The following ABCG1 variants were observed in gnomAD, a reference collection of about 807,000 sequenced individuals.
The protein encoded by ABCG1 is ATP-binding cassette sub-family G member 1.
Under a neutral mutation model 69.2 loss-of-function variants are expected in ABCG1, and 29 were observed. The observed-to-expected ratio is 0.42, with a 90% confidence interval of 0.31 to 0.57. The LOEUF (loss-of-function observed/expected upper bound fraction) is 0.57. ABCG1 is among the 20% of genes least tolerant of loss of function. The pLI is 0.15. For synonymous variants in ABCG1, 370 were observed against 374.8 expected (o/e 0.99, Z 0.15); for missense variants, 718 against 898.1 (o/e 0.80, Z 2.56).
Position 42,282,311 on chromosome 21 carries a change from G to A in ABCG1, c.626G>A (p.Cys209Tyr). 1 of 1,613,086 alleles carries A rather than the reference G, an allele frequency of 6.2e-7. No homozygotes were observed. Among genetic ancestry groups the A allele is most frequent in the Non-Finnish European group, 8.5e-7 (1 of 1,180,018 alleles). Reference sequence around the variant, plus strand: ...CTGACAGCGCTGGGCTTGCTGTCTTGCGCCAACACGCGGACCGGGAGCCTG... The same window carrying A: ...CTGACAGCGCTGGGCTTGCTGTCTTACGCCAACACGCGGACCGGGAGCCTG... Reference protein sequence around the residue: ...EILTALGLLSCANTRTGSLSG... With the variant: ...EILTALGLLSYANTRTGSLSG... The change falls in exon 6 of 15, where the codon TGC becomes TAC. Residue 209 changes from cysteine (C) to tyrosine (Y), a missense_variant. This residue lies in a region of ABCG1 where 514 missense variants were observed against 574.3 expected (regional missense o/e 0.90). Coordinates refer to ENST00000398449, the MANE Select transcript of ABCG1 (RefSeq NM_016818.3).
intron 2 of ABCG1, among the ~76,000 whole-genome samples, chr21:42,210,506 ACT>A (rs1283618411): frequency 6.6e-6 from 1 of 151,714 alleles, no homozygotes; most frequent in African/African-American, 2.4e-5. Context: ...GATGTTATTT[ACT>A]CTTTCTTCAT....
rs1424402614 is a variant in ABCG1 at position 42,219,941 on chromosome 21, C to A, written c.42+637C>A. 4.5e-6 allele frequency: 7 copies of A among 1,551,168 alleles called. No individual in the cohort carries two copies. Among genetic ancestry groups the A allele is most frequent in the Non-Finnish European group, 6.1e-6 (7 of 1,146,812 alleles). ...TTCCTGCCGGCCGCCTTTCTGCGCGCGCCGGAGAGAGAGACGCGGTGGGGA... is the reference window on the plus strand; with the variant it reads ...TTCCTGCCGGCCGCCTTTCTGCGCGAGCCGGAGAGAGAGACGCGGTGGGGA... On this transcript the variant is annotated intron_variant, in intron 1 of 14. Coordinates refer to ENST00000398449, the MANE Select transcript of ABCG1 (RefSeq NM_016818.3). This position sits in a 1 kb window ranked among gnomAD's most constrained non-coding sequence, Gnocchi z 5.3.
At position 42,219,817 on chromosome 21, in the gene ABCG1, C is replaced by A; in HGVS notation, c.42+513C>A. 1.4e-6 allele frequency: 2 copies of A among 1,450,640 alleles called. No individual in the cohort carries two copies. Among genetic ancestry groups the A allele is most frequent in the Non-Finnish European group, 1.8e-6 (2 of 1,105,260 alleles). The allele number at this position is 1,450,640 out of a possible 1,614,324, so 89.9% of individuals were successfully genotyped here. On this transcript the variant is annotated intron_variant, in intron 1 of 14. Transcript: ENST00000398449. This position sits in a 1 kb window ranked among gnomAD's most constrained non-coding sequence, Gnocchi z 5.3. ...AAAAGAGGAAGCTGCCCCCAGAGAG[C>A]CGGAGCCTGCGACTGCACTCCCGGG... is the stretch of plus-strand genomic sequence containing the variant.
At position 42,244,513 on chromosome 21, in the gene ABCG1, T is replaced by A. The variant is rs371482096; in HGVS notation, c.286+18599T>A. Among the ~76,000 whole-genome samples the A allele has an allele frequency of 9.2e-5, 14 of 152,376 alleles. 1 individual carries two copies. The highest frequency in any genetic ancestry group is 2.0e-4 in the Admixed American group (3 of 15,310). ...TCAAAAGCTTCTCTTCTGCACTGCA[T>A]TTCCTAAAGTCTAATTTACAGTCTT... On this transcript the variant is annotated intron_variant, in intron 2 of 14. Transcript: ENST00000398449.
At chr21:42,261,776 A>G (rs2068418761) in intron 2 of ABCG1, among the ~76,000 whole-genome samples, 2 of 152,210 alleles carry the variant, frequency 1.3e-5, no homozygotes, top group African/African-American at 4.8e-5. Flanking sequence ...CTGTTTATCC[A>G]CATTTATGTT....
At position 42,296,480 on chromosome 21, in the gene ABCG1, C is replaced by A; in HGVS notation, c.*88C>A. ...AGGAGGCAAGCCTGTGCCCGACCGA[C>A]GACACAGAGACTCTTCTGATCCAAC... is the stretch of plus-strand genomic sequence containing the variant. On this transcript the variant is annotated 3_prime_UTR_variant, in exon 15 of 15. Coordinates refer to ENST00000398449, the MANE Select transcript of ABCG1 (RefSeq NM_016818.3). The surrounding 1 kb of genome is among the most constrained non-coding windows in gnomAD (Gnocchi z 5.4). 8.3e-7 allele frequency: 1 copy of A among 1,207,884 alleles called. No individual in the cohort carries two copies. The highest frequency in any genetic ancestry group is 1.2e-6 in the Non-Finnish European group (1 of 846,662). 74.8% of individuals were successfully genotyped at this position (1,207,884 alleles called of 1,614,324 possible).
chr21:42,281,485 G>A (rs933937763), intron 5 of ABCG1, among the ~76,000 whole-genome samples: 6 of 152,262 alleles, frequency 3.9e-5, no homozygotes, highest in African/African-American at 1.4e-4. Context: ...GGAGCAGACA[G>A]GGAGGGCTCC....
rs1252889844 is a variant in ABCG1, at chr21:42,219,833, C to T, written c.42+529C>T. The T allele has an allele frequency of 1.9e-5, 28 of 1,473,874 alleles. No individual in the cohort carries two copies. Among genetic ancestry groups the T allele is most frequent in the Middle Eastern group, 2.5e-4 (1 of 4,078 alleles). 91.3% of individuals were successfully genotyped at this position (1,473,874 alleles called of 1,614,324 possible). A position where few individuals can be genotyped will look rare whatever the true frequency, so the allele number is the denominator to read the frequency against. On this transcript the variant is annotated intron_variant, in intron 1 of 14. Transcript: ENST00000398449. This position sits in a 1 kb window ranked among gnomAD's most constrained non-coding sequence, Gnocchi z 5.3. ...CCCAGAGAGCCGGAGCCTGCGACTG[C>T]ACTCCCGGGGACACCCTCTCCCGGA... is the stretch of plus-strand genomic sequence containing the variant.
At chr21:42,245,157 C>G (rs2068112939) in intron 2 of ABCG1, among the ~76,000 whole-genome samples, 1 of 152,156 alleles carries the variant, frequency 6.6e-6, no homozygotes, top group East Asian at 1.9e-4. Context: ...AATCTAGACA[C>G]CCCACACTTT....
exon 2 of ABCG1, chr21:42,201,577 C>T (rs368197983): frequency 5.3e-5 from 81 of 1,529,258 alleles, no homozygotes; most frequent in Admixed American, 7.9e-5. Flanking sequence ...TCCACCACAG[C>T]GCTACACCAA....
chr21:42,287,711 G>A lies in ABCG1; in HGVS notation c.974-178G>A, dbSNP rs2068969144. On this transcript the variant is annotated intron_variant, in intron 8 of 14. Transcript: ENST00000398449. The surrounding 1 kb of genome is among the most constrained non-coding windows in gnomAD (Gnocchi z 6.2). The stretch of plus-strand genomic sequence containing the variant: ...CTGACATGATAAAGGGCCTTGCTGG[G>A]GGGTTTGAGAGCCGCACGCTGGTTG... Among the ~76,000 whole-genome samples the A allele has an allele frequency of 6.6e-6, 1 of 152,246 alleles. No individual in the cohort carries two copies. The highest frequency in any genetic ancestry group is 1.9e-4 in the East Asian group (1 of 5,202).
chr21:42,269,899 G>A (rs1385573147), intron 2 of ABCG1, among the ~76,000 whole-genome samples: 1 of 152,186 alleles, frequency 6.6e-6, no homozygotes, highest in African/African-American at 2.4e-5. Context: ...CCCCTGAAAC[G>A]TGTGGAAGCT....
intron 2 of ABCG1, among the ~76,000 whole-genome samples, chr21:42,202,249 G>A (rs1225949007): frequency 6.6e-6 from 1 of 152,226 alleles, no homozygotes; most frequent in African/African-American, 2.4e-5. Flanking sequence ...TGTGAGGGAA[G>A]TTGACAATAA....
At chr21:42,227,442 T>C (rs888891650) in intron 2 of ABCG1, among the ~76,000 whole-genome samples, 2 of 152,004 alleles carry the variant, frequency 1.3e-5, no homozygotes, top group African/African-American at 2.4e-5. Context: ...GTGAGCAACA[T>C]AGAGCGATTC....
chr21:42,264,421 C>G (rs768579675), intron 2 of ABCG1, among the ~76,000 whole-genome samples: 9 of 152,172 alleles, frequency 5.9e-5, no homozygotes, highest in Non-Finnish European at 1.0e-4. Context: ...TTCCATCCAT[C>G]TGTCCATCCA....
chr21:42,219,293 G>C lies in ABCG1; in HGVS notation c.31G>C (p.Gly11Arg). MACLMAAFSV[G>R]TAMNASSYSA... ...CTGTCTGATGGCCGCTTTCTCGGTC[G>C]GCACCGCCATGGTGAGTGAGCGCAT... Residue 11 changes from glycine (G) to arginine (R), a missense_variant, in exon 1 of 15, where the codon GGC becomes CGC. Gly to Arg is a moderately radical substitution (Grantham distance 125). Coordinates refer to ENST00000398449, the MANE Select transcript of ABCG1 (RefSeq NM_016818.3). This position sits in a 1 kb window ranked among gnomAD's most constrained non-coding sequence, Gnocchi z 5.3. The C allele has an allele frequency of 6.3e-7, 1 of 1,594,080 alleles. No individual in the cohort carries two copies. Among genetic ancestry groups the C allele is most frequent in the Non-Finnish European group, 8.5e-7 (1 of 1,174,370 alleles).
intron 2 of ABCG1, among the ~76,000 whole-genome samples, chr21:42,235,192 G>A (rs961931046): frequency 6.6e-6 from 1 of 152,216 alleles, no homozygotes; most frequent in Non-Finnish European, 1.5e-5. Context: ...GGGTGGAGGT[G>A]TTGCCACCCG....
chr21:42,251,645 G>C (rs1020112936), intron 2 of ABCG1, among the ~76,000 whole-genome samples: 2 of 152,156 alleles, frequency 1.3e-5, no homozygotes, highest in Non-Finnish European at 2.9e-5. Context: ...AGGCGAGGCG[G>C]GGGGAATGGG....
intron 7 of ABCG1, among the ~76,000 whole-genome samples, chr21:42,285,538 T>G (rs183425371): frequency 6.6e-6 from 1 of 151,606 alleles, no homozygotes; most frequent in East Asian, 1.9e-4. Flanking sequence ...ACAAAAAAAC[T>G]TAGGTTTTGA....
Sources: gnomAD v4.1 joint callset for allele counts (sites outside exome capture counted in the v4.1 genomes callset) on GRCh38, gnomAD v4.1.1 for gene constraint, gnomAD v4.1.1 regional missense constraint, Gnocchi (gnomAD v3.1) non-coding constraint, MANE v1.5 for transcripts, NCBI Gene and HGNC (gene_info 2026-07-23, HGNC 2026-07-21) for gene names.